The following DNAH3 variants were observed in gnomAD, a reference collection of about 807,000 sequenced individuals.
DNAH3 encodes dynein axonemal heavy chain 3.
Under a neutral mutation model 432.5 loss-of-function variants are expected in DNAH3, and 332 were observed. The ratio of observed to expected loss-of-function variants is 0.77; its 90% confidence interval spans 0.70 to 0.84. The LOEUF is 0.84. DNAH3 is among the 40% of genes least tolerant of loss of function. The pLI, the probability that DNAH3 is intolerant of heterozygous loss-of-function variation, is 0.00. For missense variants in DNAH3, 4,861 were observed against 5,114.0 expected, an observed-to-expected ratio of 0.95 and a Z score of 1.51; for synonymous variants, 1,956 against 1,900.2, an observed-to-expected ratio of 1.03 and a Z score of -0.76.
intron 1 of DNAH3, among the ~76,000 whole-genome samples, chr16:21,156,996 AACACAC>A (rs34199213): frequency 1.1e-4 from 16 of 147,538 alleles, no homozygotes; most frequent in East Asian, 6.0e-4. Context: ...AATCTAAGGA[AACACAC>A]ACACACACAC....
At chr16:21,033,320 C>A (rs2088988140) in intron 36 of DNAH3, among the ~76,000 whole-genome samples, 1 of 152,048 alleles carries the variant, frequency 6.6e-6, no homozygotes, top group Non-Finnish European at 1.5e-5. Flanking sequence ...TTTATAAAAA[C>A]AAAACAAAAC....
chr16:21,016,690 G>T (rs1444253656), intron 41 of DNAH3, among the ~76,000 whole-genome samples: 1 of 152,112 alleles, frequency 6.6e-6, no homozygotes, highest in African/African-American at 2.4e-5. Context: ...AGACTCAAAA[G>T]ACAGTATTTG....
intron 48 of DNAH3, among the ~76,000 whole-genome samples, chr16:20,984,411 G>T (rs372459154): frequency 6.6e-6 from 1 of 152,066 alleles, no homozygotes; most frequent in African/African-American, 2.4e-5. Flanking sequence ...TGAGACAGCT[G>T]GAGGTAACAG....
chr16:21,140,693 T>G, exon 5 of DNAH3: 3 of 1,614,086 alleles, frequency 1.9e-6, no homozygotes, highest in Non-Finnish European at 2.5e-6. Flanking sequence ...GATTGACGTC[T>G]TGAAGGCCAA....
At chr16:20,992,598 C>T (rs367686453) in intron 44 of DNAH3, among the ~76,000 whole-genome samples, 1 of 152,158 alleles carries the variant, frequency 6.6e-6, no homozygotes, top group East Asian at 1.9e-4. Context: ...CCTCAGCCTC[C>T]CAAAGTGCTG....
chr16:21,133,069 C>T (rs1035937514), intron 7 of DNAH3, among the ~76,000 whole-genome samples: 5 of 151,768 alleles, frequency 3.3e-5, no homozygotes, highest in Admixed American at 2.6e-4. Flanking sequence ...GGAATAAGAC[C>T]GTCCGGGCGT....
intron 9 of DNAH3, 151 bp downstream of exon 10, chr16:21,125,024 A>C (rs2092419118): frequency 1.8e-6 from 1 of 546,202 alleles, no homozygotes. Flanking sequence ...AGACATTTTT[A>C]TAAACTAACA....
intron 7 of DNAH3, among the ~76,000 whole-genome samples, chr16:21,128,522 G>A (rs554967836): frequency 7.9e-5 from 12 of 151,906 alleles, no homozygotes; most frequent in African/African-American, 2.9e-4. Flanking sequence ...CTGAAACCCC[G>A]TCTCTACTAA....
chr16:20,973,596 T>G (rs543464033), intron 51 of DNAH3, among the ~76,000 whole-genome samples: 1 of 152,370 alleles, frequency 6.6e-6, no homozygotes, highest in Non-Finnish European at 1.5e-5. Context: ...AATGCTCAAA[T>G]GTAACCATGT....
chr16:20,969,084 C>G (rs1380514625), intron 52 of DNAH3, among the ~76,000 whole-genome samples: 1 of 110,620 alleles, frequency 9.0e-6, no homozygotes, highest in Non-Finnish European at 1.8e-5. Context: ...CTTTTTCTTT[C>G]TCTGTGTGTG....
chr16:21,024,629 C>A, exon 39 of DNAH3: 1 of 1,612,740 alleles, frequency 6.2e-7, no homozygotes, highest in Non-Finnish European at 8.5e-7. Context: ...GACTGGAGGG[C>A]AGGGTGTCCA....
At chr16:20,975,245 G>A (rs1333864407) in exon 51 of DNAH3, 1 of 1,613,244 alleles carries the variant, frequency 6.2e-7, no homozygotes, top group Non-Finnish European at 8.5e-7. Context: ...TGATTCCTTG[G>A]GCAATGGCAG....
chr16:21,005,534 G>A (rs73536199), intron 41 of DNAH3, among the ~76,000 whole-genome samples: 2,399 of 151,884 alleles, frequency 0.016, 66 homozygotes, highest in African/African-American at 0.055. Context: ...ACACGCCACC[G>A]CACCCAGCAA....
At chr16:21,134,077 G>A (rs138536780) in intron 7 of DNAH3, 182 bp downstream of exon 8, 2 of 568,240 alleles carry the variant, frequency 3.5e-6, no homozygotes, top group Non-Finnish European at 6.0e-6. Flanking sequence ...ACAAAGGAGG[G>A]CCACGTAAGC....
At chr16:21,116,060 C>A (rs1056322145) in intron 12 of DNAH3, among the ~76,000 whole-genome samples, 5 of 152,156 alleles carry the variant, frequency 3.3e-5, no homozygotes, top group Non-Finnish European at 7.3e-5. Flanking sequence ...ATTTTCCAGT[C>A]AAAAATGTCA....
chr16:21,104,122 T>C (rs2091897286), intron 16 of DNAH3: 3 of 196,776 alleles, frequency 1.5e-5, no homozygotes, highest in Non-Finnish European at 3.1e-5. Flanking sequence ...TCTTGATATC[T>C]TACAGATCTG....
chr16:21,058,157 C>A (rs2090201667), exon 27 of DNAH3: 5 of 1,613,980 alleles, frequency 3.1e-6, no homozygotes, highest in East Asian at 4.5e-5. Context: ...CAGATAACCA[C>A]CTGTCCAGGC....
At chr16:20,992,546 C>G (rs1295686873) in intron 44 of DNAH3, among the ~76,000 whole-genome samples, 1 of 152,280 alleles carries the variant, frequency 6.6e-6, no homozygotes, top group Admixed American at 6.5e-5. Context: ...CGGGGTTTCA[C>G]CGTGTTAGCC....
intron 34 of DNAH3, 92 bp from the exon 35 acceptor site, chr16:21,036,940 A>C (rs895519391): frequency 2.9e-6 from 3 of 1,032,288 alleles, no homozygotes; most frequent in Non-Finnish European, 4.3e-6. Flanking sequence ...TCAACAACAG[A>C]GATCTTTGAA....
Sources: gnomAD v4.1 joint callset for allele counts (sites outside exome capture counted in the v4.1 genomes callset) on GRCh38, gnomAD v4.1.1 for gene constraint, MANE v1.5 for transcripts, NCBI Gene and HGNC (gene_info 2026-07-23, HGNC 2026-07-21) for gene names.